Variants in CLEC16A observed in about 807,000 individuals in gnomAD.
CLEC16A encodes the protein protein CLEC16A.
A neutral mutation model predicts 109.5 loss-of-function variants in CLEC16A; 51 were observed. The observed-to-expected ratio is 0.47, with a 90% CI of 0.37 to 0.59. The LOEUF (loss-of-function observed/expected upper bound fraction) is 0.59, where lower values mean the gene tolerates loss of function less well. CLEC16A is among the 20% of genes least tolerant of loss of function. The pLI is 0.00. For synonymous variants in CLEC16A, 673 were observed against 564.2 expected (o/e 1.19, Z -2.73); for missense variants, 1,339 against 1,394.0 (o/e 0.96, Z 0.63).
intron 19 of CLEC16A, among the ~76,000 whole-genome samples, chr16:11,079,951 C>T (rs896391500): frequency 2.0e-5 from 3 of 152,212 alleles, no homozygotes; most frequent in Non-Finnish European, 2.9e-5. Context: ...TAGATTGATG[C>T]AGCCCCTGTT....
chr16:11,151,459 G>T (rs542876253), intron 22 of CLEC16A, among the ~76,000 whole-genome samples: 2 of 152,210 alleles, frequency 1.3e-5, no homozygotes, highest in Non-Finnish European at 2.9e-5. Context: ...ATATGTGTGC[G>T]CCTCTGCCAG....
At chr16:11,176,903 C>T (rs1426659796) in intron 23 of CLEC16A, among the ~76,000 whole-genome samples, 3 of 152,124 alleles carry the variant, frequency 2.0e-5, no homozygotes, top group Non-Finnish European at 4.4e-5. Context: ...CTATATGCTG[C>T]CTGCTTTTAT....
intron 7 of CLEC16A, among the ~76,000 whole-genome samples, chr16:10,974,870 A>T (rs1212512859): frequency 6.6e-6 from 1 of 152,250 alleles, no homozygotes; most frequent in Non-Finnish European, 1.5e-5. Context: ...CATCAACCCC[A>T]ATTACTGATA....
intron 19 of CLEC16A, among the ~76,000 whole-genome samples, chr16:11,113,630 G>C (rs2051755536): frequency 6.6e-6 from 1 of 152,092 alleles, no homozygotes; most frequent in Non-Finnish European, 1.5e-5. Context: ...CTGTACTCCA[G>C]CCTGGGTGAC....
intron 13 of CLEC16A, among the ~76,000 whole-genome samples, chr16:11,025,796 A>G (rs8045749): frequency 0.49 from 74,025 of 152,064 alleles, 19,225 homozygotes; most frequent in African/African-American, 0.68. Flanking sequence ...TAAGTTGATT[A>G]GTGGCAGAAG....
chr16:10,962,332 C>T (rs996323942), intron 2 of CLEC16A, 123 bp from the exon 3 acceptor site: 1 of 1,113,216 alleles, frequency 9.0e-7, no homozygotes. Context: ...GGTGGCATGA[C>T]CTGTGCAGAT....
chr16:11,101,807 T>C (rs1253801986), intron 19 of CLEC16A, among the ~76,000 whole-genome samples: 1 of 151,910 alleles, frequency 6.6e-6, no homozygotes, highest in East Asian at 1.9e-4. Context: ...TTTCTTTTCT[T>C]TTCTTTTTTT....
At chr16:11,063,496 G>A (rs1376956496) in intron 19 of CLEC16A, among the ~76,000 whole-genome samples, 2 of 151,992 alleles carry the variant, frequency 1.3e-5, no homozygotes, top group Non-Finnish European at 2.9e-5. Flanking sequence ...GCTGACTCCG[G>A]GAGAAATGTT....
chr16:11,013,149 C>T (rs917807521), intron 11 of CLEC16A, among the ~76,000 whole-genome samples: 1 of 152,222 alleles, frequency 6.6e-6, no homozygotes, highest in Non-Finnish European at 1.5e-5. Flanking sequence ...GCAGACTCCA[C>T]ATAGACGGTG....
intron 1 of CLEC16A, among the ~76,000 whole-genome samples, chr16:10,947,387 T>G (rs980723478): frequency 7.2e-5 from 11 of 152,178 alleles, no homozygotes; most frequent in African/African-American, 2.7e-4. Flanking sequence ...AGCCAGTGAC[T>G]GTACAGTGTG....
chr16:10,952,884 G>C (rs2041806632), intron 1 of CLEC16A, among the ~76,000 whole-genome samples: 1 of 152,334 alleles, frequency 6.6e-6, no homozygotes, highest in South Asian at 2.1e-4. Flanking sequence ...AGATCTGCAA[G>C]ATTCCTGTCA....
At chr16:11,021,944 C>T (rs1027638378) in intron 12 of CLEC16A, among the ~76,000 whole-genome samples, 15 of 151,940 alleles carry the variant, frequency 9.9e-5, no homozygotes, top group Admixed American at 2.0e-4. Context: ...GTATTTCTCC[C>T]GCCACCAAAA....
chr16:11,018,376 C>T (rs1435660333), intron 11 of CLEC16A, among the ~76,000 whole-genome samples: 2 of 151,980 alleles, frequency 1.3e-5, no homozygotes, highest in East Asian at 3.9e-4. Context: ...AATGATGCAC[C>T]CCAGTCACAC....
chr16:11,117,025 C>T (rs1283159065), intron 19 of CLEC16A, among the ~76,000 whole-genome samples: 2 of 152,104 alleles, frequency 1.3e-5, no homozygotes, highest in African/African-American at 2.4e-5. Flanking sequence ...TAAGTCGTGT[C>T]CTTTGAAGCA....
chr16:11,046,805 G>A (rs887384430), intron 16 of CLEC16A, among the ~76,000 whole-genome samples: 1 of 152,126 alleles, frequency 6.6e-6, no homozygotes, highest in Non-Finnish European at 1.5e-5. Flanking sequence ...ACATAACCCC[G>A]AAAGCACTCC....
intron 19 of CLEC16A, among the ~76,000 whole-genome samples, chr16:11,075,811 A>ATCAG (rs1414267073): frequency 6.6e-6 from 1 of 152,040 alleles, no homozygotes; most frequent in Non-Finnish European, 1.5e-5. Context: ...GACGCTGCCT[A>ATCAG]TCAGTGTTTA....
chr16:10,962,778 G>T (rs2042311891), intron 3 of CLEC16A, among the ~76,000 whole-genome samples, 190 bp downstream of exon 3: 1 of 152,092 alleles, frequency 6.6e-6, no homozygotes, highest in East Asian at 1.9e-4. Context: ...TCCAAGATTG[G>T]CCAGGCATGG....
At chr16:11,011,838 T>C (rs2045436429) in intron 11 of CLEC16A, among the ~76,000 whole-genome samples, 1 of 152,182 alleles carries the variant, frequency 6.6e-6, no homozygotes, top group South Asian at 2.1e-4. Context: ...GGTTTTTTTT[T>C]TCTTGTCCTC....
At chr16:11,067,689 G>C (rs550569782) in intron 19 of CLEC16A, among the ~76,000 whole-genome samples, 3 of 152,282 alleles carry the variant, frequency 2.0e-5, no homozygotes, top group African/African-American at 7.2e-5. Flanking sequence ...CTCAGTGGAA[G>C]AGATTTATGG....
Sources: gnomAD v4.1 joint callset for allele counts (sites outside exome capture counted in the v4.1 genomes callset) on GRCh38, gnomAD v4.1.1 for gene constraint, MANE v1.5 for transcripts, NCBI Gene and HGNC (gene_info 2026-07-23, HGNC 2026-07-21) for gene names.